Variants in CCDC80 observed in about 807,000 individuals in gnomAD.
The protein encoded by CCDC80 is coiled-coil domain containing 80, also known as coiled-coil domain-containing protein 80.
CCDC80 carries 49 observed loss-of-function variants against 78.7 expected under a neutral mutation model. The observed-to-expected ratio is 0.62, with a 90% CI of 0.50 to 0.79. The LOEUF is 0.79. Among genes scored for constraint, CCDC80 ranks in the 30% least tolerant of loss-of-function variants. The pLI, the probability that CCDC80 is intolerant of heterozygous loss-of-function variation, is 0.00. For missense variants in CCDC80, 1,205 were observed against 1,198.6 expected (o/e 1.01, Z -0.08); for synonymous variants, 488 against 447.0 (o/e 1.09, Z -1.16).
chr3:112,607,080 T>C (rs1388967163), intron 7 of CCDC80, 96 bp downstream of exon 7: 1 of 859,076 alleles, frequency 1.2e-6, no homozygotes, highest in African/African-American at 1.7e-5. Context: ...TGAACTTTGT[T>C]CACCTTAGAG....
intron 3 of CCDC80, among the ~76,000 whole-genome samples, chr3:112,625,329 T>C (rs1935943632): frequency 6.6e-6 from 1 of 152,204 alleles, no homozygotes; most frequent in African/African-American, 2.4e-5. Flanking sequence ...TGATTCAACT[T>C]GTGTGGAGAG....
chr3:112,630,433 G>GA (rs1481665731), intron 2 of CCDC80, among the ~76,000 whole-genome samples, 164 bp from the exon 3 acceptor site: 2 of 152,128 alleles, frequency 1.3e-5, no homozygotes, highest in African/African-American at 4.8e-5. Flanking sequence ...AGGGCCATTT[G>GA]AAAAGGCCTC....
rs867973314 is a variant in CCDC80 at position 112,605,609 on chromosome 3, C to T, written c.2661G>A (p.Val887=). Residue 887 remains valine, a synonymous_variant, in exon 8 of 8, where the codon GTG becomes GTA. Coordinates refer to ENST00000206423, the MANE Select transcript of CCDC80 (RefSeq NM_199511.3). ...TCGAATCAATTAAATCGTACACAAT[C>T]ACCATGGACCACATTGGGGAAGGAT... ...SWYPSPMWSM[V]IVYDLIDSMQ... is the part of the protein sequence containing the mutation. The T allele has an allele frequency of 3.7e-6, 6 of 1,614,220 alleles. No individual in the cohort carries two copies. The highest frequency in any genetic ancestry group is 2.2e-5 in the South Asian group (2 of 91,080).
intron 2 of CCDC80, among the ~76,000 whole-genome samples, chr3:112,633,914 C>T (rs1289701657): frequency 6.6e-6 from 1 of 152,130 alleles, no homozygotes; most frequent in African/African-American, 2.4e-5. Flanking sequence ...GGCCTCTTTC[C>T]AGTTTGATGG....
intron 1 of CCDC80, 56 bp from the exon 2 acceptor site, chr3:112,639,972 T>C: frequency 6.5e-7 from 1 of 1,531,412 alleles, no homozygotes; most frequent in Non-Finnish European, 8.8e-7. Flanking sequence ...AGAAAGAAAA[T>C]TATTTATCTG....
chr3:112,625,511 C>A (rs1576789451), intron 3 of CCDC80, among the ~76,000 whole-genome samples: 3 of 152,090 alleles, frequency 2.0e-5, no homozygotes, highest in Admixed American at 2.0e-4. Flanking sequence ...GAAAATAGTC[C>A]AAGTGTCCAT....
intron 2 of CCDC80, among the ~76,000 whole-genome samples, chr3:112,630,539 T>C (rs1421356139): frequency 6.6e-6 from 1 of 152,216 alleles, no homozygotes; most frequent in African/African-American, 2.4e-5. Context: ...ATTTGTGAAC[T>C]CTGCAAAGGA....
rs1291549939 is a variant in CCDC80 at position 112,601,923 on chromosome 3, T to A, written c.*3494A>T. 6.6e-6 allele frequency: 1 copy of A among 152,120 alleles called. No individual in the cohort carries two copies. Among genetic ancestry groups the A allele is most frequent in the Non-Finnish European group, 1.5e-5 (1 of 68,028 alleles). The allele number at this position is 152,120 out of a possible 1,614,324, so 9.4% of individuals were successfully genotyped here. On this transcript the variant is annotated 3_prime_UTR_variant, in exon 8 of 8. Coordinates refer to ENST00000206423, the MANE Select transcript of CCDC80 (RefSeq NM_199511.3). ...TAATTTTTTTTATAAGATGCCAGTA[T>A]GGTAATAGGTCCATTAGCAAGTAAG...
intron 5 of CCDC80, among the ~76,000 whole-genome samples, chr3:112,613,768 G>A (rs1935679646): frequency 6.6e-6 from 1 of 151,862 alleles, no homozygotes; most frequent in Non-Finnish European, 1.5e-5. Flanking sequence ...GAGTTTACTG[G>A]GATAGATCAC....
Position 112,600,408 on chromosome 3 carries a change from T to G in CCDC80, c.*5009A>C, listed in dbSNP as rs1490237118. On this transcript the variant is annotated 3_prime_UTR_variant, in exon 8 of 8. Coordinates refer to ENST00000206423, the MANE Select transcript of CCDC80 (RefSeq NM_199511.3). The stretch of plus-strand genomic sequence containing the variant: ...GTTGTAAAAAAGAACTATCTTTTTT[T>G]GGTTGCAGGAGCTAGAACCCTATTA... The G allele has an allele frequency of 1.3e-5, 2 of 152,226 alleles. No individual in the cohort carries two copies. Among genetic ancestry groups the G allele is most frequent in the Non-Finnish European group, 2.9e-5 (2 of 68,046 alleles). The allele number at this position is 152,226 out of a possible 1,614,324, so 9.4% of individuals were successfully genotyped here.
Position 112,640,927 on chromosome 3 carries a change from T to C in CCDC80, c.-612A>G, listed in dbSNP as rs1936326836. 6.6e-6 allele frequency: 1 copy of C among 152,246 alleles called. No individual in the cohort carries two copies. The highest frequency in any genetic ancestry group is 2.1e-4 in the South Asian group (1 of 4,826). The allele number at this position is 152,246 out of a possible 1,614,324, so 9.4% of individuals were successfully genotyped here. Reference sequence around the variant, plus strand: ...TCCTCCCTTTATTTCTCCCTACCTTTTTCCTCCTCTTTTTCTTCTTCTTTT... The same window carrying C: ...TCCTCCCTTTATTTCTCCCTACCTTCTTCCTCCTCTTTTTCTTCTTCTTTT... On this transcript the variant is annotated 5_prime_UTR_variant, in exon 1 of 8. Coordinates refer to ENST00000206423, the MANE Select transcript of CCDC80 (RefSeq NM_199511.3).
At chr3:112,616,443 A>G (rs558177590) in intron 5 of CCDC80, among the ~76,000 whole-genome samples, 20 of 107,290 alleles carry the variant, frequency 1.9e-4, no homozygotes, top group East Asian at 1.0e-3. Flanking sequence ...AGAAAAAAAA[A>G]GAAAAGAAAA....
At chr3:112,609,178 T>C (rs1214249912) in intron 6 of CCDC80, among the ~76,000 whole-genome samples, 1 of 152,230 alleles carries the variant, frequency 6.6e-6, no homozygotes, top group East Asian at 1.9e-4. Context: ...CTTCTACTTT[T>C]GAAATTGTAG....
At chr3:112,610,154 T>C (rs1935596057) in intron 5 of CCDC80, 73 bp from the exon 6 acceptor site, 2 of 1,306,700 alleles carry the variant, frequency 1.5e-6, no homozygotes, top group South Asian at 2.4e-5. Flanking sequence ...GAAACCAGAG[T>C]GACTTAGGCT....
intron 2 of CCDC80, among the ~76,000 whole-genome samples, chr3:112,636,063 C>A (rs1936201470): frequency 6.6e-6 from 1 of 152,160 alleles, no homozygotes; most frequent in Admixed American, 6.5e-5. Context: ...GTTTTTAAAA[C>A]CTGACCATGA....
intron 3 of CCDC80, among the ~76,000 whole-genome samples, chr3:112,629,820 C>A (rs1198972236): frequency 2.0e-5 from 3 of 152,194 alleles, no homozygotes; most frequent in Non-Finnish European, 4.4e-5. Flanking sequence ...TGTCTGAATG[C>A]CTCTCTGATT....
chr3:112,606,236 T>C (rs1407052192), intron 7 of CCDC80, among the ~76,000 whole-genome samples: 2 of 152,208 alleles, frequency 1.3e-5, no homozygotes, highest in Admixed American at 1.3e-4. Flanking sequence ...TTTAAACTAT[T>C]GTGAATAGTG....
intron 2 of CCDC80, among the ~76,000 whole-genome samples, 190 bp from the exon 3 acceptor site, chr3:112,630,459 CAGCTT>C (rs958900069): frequency 7.9e-5 from 12 of 152,166 alleles, no homozygotes; most frequent in Non-Finnish European, 1.6e-4. Context: ...GTCTCCAAGA[CAGCTT>C]GGAGTTTTCT....
At chr3:112,613,221 G>A (rs1302631085) in intron 5 of CCDC80, among the ~76,000 whole-genome samples, 1 of 152,138 alleles carries the variant, frequency 6.6e-6, no homozygotes, top group African/African-American at 2.4e-5. Context: ...TCTTGCTTGT[G>A]CCTTAAGTAG....
Sources: gnomAD v4.1 joint callset for allele counts (sites outside exome capture counted in the v4.1 genomes callset) on GRCh38, gnomAD v4.1.1 for gene constraint, MANE v1.5 for transcripts, NCBI Gene and HGNC (gene_info 2026-07-23, HGNC 2026-07-21) for gene names.